The following FGF10 variants were observed in gnomAD, a reference collection of about 807,000 sequenced individuals.
FGF10 encodes the protein FGF-10.
FGF10 carries 2 observed loss-of-function variants against 19.8 expected under a neutral mutation model. That is an observed-to-expected ratio of 0.10 (90% CI 0.04 to 0.32). The LOEUF is 0.32. Ranked by LOEUF, FGF10 falls within the 10% of genes least tolerant of loss-of-function variation. The probability of loss-of-function intolerance (pLI) is 1.00; values close to 1 mark genes in which losing one functional copy is unlikely to be tolerated. For missense variants in FGF10, 191 were observed against 246.3 expected (o/e 0.78, Z 1.50); for synonymous variants, 112 against 94.0 (o/e 1.19, Z -1.10).
At position 44,310,451 on chromosome 5, in the gene FGF10, G is replaced by A. The variant is rs1385271154; in HGVS notation, c.405C>T (p.Asn135=). The A allele has an allele frequency of 6.2e-7, 1 of 1,611,336 alleles. No individual in the cohort carries two copies. The highest frequency in any genetic ancestry group is 2.2e-5 in the East Asian group (1 of 44,748). ...AINSNYYLAM[N]KKGKLYGSKE... is the part of the protein sequence containing the mutation. ...CTGAGCCATAGAGTTTCCCCTTCTT[G>A]TTCATGGCTAAGTAATAGTTGCTGT... The change falls in exon 2 of 3, where the codon AAC becomes AAT. Residue 135 remains asparagine, a synonymous_variant. Transcript: ENST00000264664.
chr5:44,300,663 A>G lies in FGF10; in HGVS notation c.*4332T>C, dbSNP rs1173771464. ...GAAAATGTTTTTATGTCACAGCTTC[A>G]TTTAATAAGATGTAGCAAACAACCA... On this transcript the variant is annotated 3_prime_UTR_variant, in exon 3 of 3. Transcript: ENST00000264664. Among the ~76,000 whole-genome samples the G allele has an allele frequency of 6.6e-6, 1 of 152,148 alleles. No individual in the cohort carries two copies. Among genetic ancestry groups the G allele is most frequent in the African/African-American group, 2.4e-5 (1 of 41,440 alleles).
chr5:44,318,028 C>T (rs904343769), intron 1 of FGF10, among the ~76,000 whole-genome samples: 9 of 152,072 alleles, frequency 5.9e-5, no homozygotes, highest in Non-Finnish European at 1.0e-4. Flanking sequence ...TTGTGTTCCC[C>T]TGGAGATAGA....
chr5:44,381,312 T>C (rs1179636139), intron 1 of FGF10, among the ~76,000 whole-genome samples: 1 of 152,146 alleles, frequency 6.6e-6, no homozygotes, highest in Non-Finnish European at 1.5e-5. Flanking sequence ...AAGATTTTTA[T>C]GCAAAATAAA....
chr5:44,370,002 T>A (rs959861363), intron 1 of FGF10, among the ~76,000 whole-genome samples: 7 of 152,128 alleles, frequency 4.6e-5, no homozygotes, highest in Non-Finnish European at 1.0e-4. Context: ...CAGATTTCTA[T>A]GTGTGAACAT....
At chr5:44,352,634 A>G (rs1055030769) in intron 1 of FGF10, among the ~76,000 whole-genome samples, 4 of 151,600 alleles carry the variant, frequency 2.6e-5, no homozygotes, top group Admixed American at 1.3e-4. Flanking sequence ...TCTAAGTTCT[A>G]TAATTATGTT....
At chr5:44,307,669 A>G (rs906920758) in intron 2 of FGF10, among the ~76,000 whole-genome samples, 2 of 152,224 alleles carry the variant, frequency 1.3e-5, no homozygotes, top group Non-Finnish European at 2.9e-5. Flanking sequence ...TGGATACTGT[A>G]TGAAACAAAA....
chr5:44,311,425 A>C (rs1347072563), intron 1 of FGF10, among the ~76,000 whole-genome samples: 1 of 152,092 alleles, frequency 6.6e-6, no homozygotes. Flanking sequence ...AGGGTAGAGA[A>C]GTAGCATCGT....
chr5:44,374,675 T>A (rs907731169), intron 1 of FGF10, among the ~76,000 whole-genome samples: 11 of 152,160 alleles, frequency 7.2e-5, no homozygotes, highest in Non-Finnish European at 1.6e-4. Flanking sequence ...TCTTCCTCTC[T>A]AAAATAATTA....
chr5:44,326,404 C>T (rs760626115), intron 1 of FGF10, among the ~76,000 whole-genome samples: 38 of 151,872 alleles, frequency 2.5e-4, no homozygotes, highest in Non-Finnish European at 4.7e-4. Flanking sequence ...TAGTTTATTA[C>T]GTATTTATTG....
chr5:44,378,917 G>T (rs1156565068), intron 1 of FGF10, among the ~76,000 whole-genome samples: 3 of 152,130 alleles, frequency 2.0e-5, no homozygotes. Flanking sequence ...TAAGGCTTAT[G>T]ATGTGACAGG....
intron 1 of FGF10, among the ~76,000 whole-genome samples, chr5:44,343,209 C>T (rs535832402): frequency 3.3e-5 from 5 of 152,076 alleles, no homozygotes; most frequent in African/African-American, 1.2e-4. Flanking sequence ...AGTACTTATT[C>T]CCCACTGAAA....
At chr5:44,353,286 T>C (rs532069023) in intron 1 of FGF10, among the ~76,000 whole-genome samples, 1 of 151,768 alleles carries the variant, frequency 6.6e-6, no homozygotes, top group East Asian at 2.0e-4. Context: ...ATTGTTGTTG[T>C]TAGTTTTCAT....
At chr5:44,348,121 C>T (rs916104554) in intron 1 of FGF10, among the ~76,000 whole-genome samples, 2 of 151,588 alleles carry the variant, frequency 1.3e-5, no homozygotes, top group Non-Finnish European at 3.0e-5. Context: ...TGCCATCTCT[C>T]TATACCATGA....
intron 1 of FGF10, among the ~76,000 whole-genome samples, chr5:44,382,403 T>C (rs1039236757): frequency 6.6e-5 from 10 of 152,208 alleles, no homozygotes; most frequent in African/African-American, 2.4e-4. Flanking sequence ...GGTTTTAAAC[T>C]GATTCTGTAA....
intron 1 of FGF10, among the ~76,000 whole-genome samples, chr5:44,331,528 G>T (rs1333217532): frequency 1.3e-5 from 2 of 152,062 alleles, no homozygotes; most frequent in Admixed American, 6.6e-5. Context: ...TTCTAAAAAA[G>T]CATTGACATT....
intron 1 of FGF10, among the ~76,000 whole-genome samples, chr5:44,346,574 C>G (rs967174188): frequency 6.6e-6 from 1 of 151,850 alleles, no homozygotes; most frequent in African/African-American, 2.4e-5. Context: ...CTTTTTCACA[C>G]ATTGATTTCA....
intron 1 of FGF10, among the ~76,000 whole-genome samples, chr5:44,349,435 T>G (rs1327838538): frequency 4.4e-5 from 1 of 22,768 alleles, no homozygotes. Context: ...TATATATATA[T>G]ATATATATAT....
intron 1 of FGF10, among the ~76,000 whole-genome samples, chr5:44,385,070 C>A (rs1742068090): frequency 6.6e-6 from 1 of 152,030 alleles, no homozygotes; most frequent in Admixed American, 6.6e-5. Context: ...GTTTCAAGGG[C>A]AAAGCTCTAG....
At chr5:44,344,288 C>T (rs1287387829) in intron 1 of FGF10, among the ~76,000 whole-genome samples, 1 of 151,874 alleles carries the variant, frequency 6.6e-6, no homozygotes, top group African/African-American at 2.4e-5. Flanking sequence ...TGGATTCATG[C>T]TTGAATGGGG....
Sources: allele counts gnomAD v4.1 joint callset (sites outside exome capture counted in the v4.1 genomes callset), GRCh38; gene constraint gnomAD v4.1.1; transcripts MANE v1.5; gene names NCBI Gene and HGNC (gene_info 2026-07-23, HGNC 2026-07-21).